The following PARN variants were observed in gnomAD, a reference collection of about 807,000 sequenced individuals.
The protein encoded by PARN is poly(A)-specific ribonuclease.
Under a neutral mutation model 102.8 loss-of-function variants are expected in PARN, and 71 were observed. The observed-to-expected ratio is 0.69, with a 90% confidence interval of 0.57 to 0.84. The LOEUF is 0.84. Ranked by LOEUF, PARN falls within the 40% of genes least tolerant of loss-of-function variation. PARN has a pLI of 0.00. For synonymous variants in PARN, 261 were observed against 252.9 expected, an observed-to-expected ratio of 1.03 and a Z score of -0.30; for missense variants, 782 against 760.9, an observed-to-expected ratio of 1.03 and a Z score of -0.33.
intron 22 of PARN, among the ~76,000 whole-genome samples, chr16:14,475,052 G>A (rs1251671732): frequency 6.6e-6 from 1 of 152,098 alleles, no homozygotes; most frequent in East Asian, 1.9e-4. Context: ...GCAGGAATTC[G>A]GAGAGCTACT....
chr16:14,496,787 T>C (rs1400862733), intron 21 of PARN, among the ~76,000 whole-genome samples: 1 of 152,216 alleles, frequency 6.6e-6, no homozygotes, highest in Non-Finnish European at 1.5e-5. Context: ...CAGATACCAA[T>C]CATGGTTTAT....
intron 21 of PARN, among the ~76,000 whole-genome samples, chr16:14,551,662 G>C (rs183970176): frequency 6.6e-6 from 1 of 152,122 alleles, no homozygotes; most frequent in African/African-American, 2.4e-5. Context: ...CAACAAATGG[G>C]GGGAAAGTAC....
intron 22 of PARN, among the ~76,000 whole-genome samples, chr16:14,473,622 G>A (rs1962874653): frequency 6.6e-6 from 1 of 152,206 alleles, no homozygotes; most frequent in African/African-American, 2.4e-5. Flanking sequence ...AGTTAGAGCA[G>A]AACGGAGGTG....
chr16:14,540,976 C>G (rs1966822816), intron 21 of PARN, among the ~76,000 whole-genome samples: 4 of 151,808 alleles, frequency 2.6e-5, no homozygotes, highest in Admixed American at 2.6e-4. Flanking sequence ...AAAATAGATG[C>G]CATAAGGGTT....
intron 21 of PARN, among the ~76,000 whole-genome samples, chr16:14,532,713 G>C (rs1183631213): frequency 6.6e-6 from 1 of 151,898 alleles, no homozygotes; most frequent in South Asian, 2.1e-4. Context: ...CGACCGGGCA[G>C]AGGCGCCCCT....
chr16:14,596,771 G>C (rs1357301911), intron 12 of PARN, among the ~76,000 whole-genome samples: 1 of 151,128 alleles, frequency 6.6e-6, no homozygotes, highest in African/African-American at 2.4e-5. Context: ...CAGGGGAAAA[G>C]GACATTTTTT....
intron 22 of PARN, among the ~76,000 whole-genome samples, chr16:14,450,000 C>A (rs1029082942): frequency 6.6e-6 from 1 of 152,184 alleles, no homozygotes; most frequent in African/African-American, 2.4e-5. Context: ...CAAAAATATG[C>A]ATGTACAAGT....
chr16:14,515,359 T>A (rs1415807551), intron 21 of PARN, among the ~76,000 whole-genome samples: 1 of 152,186 alleles, frequency 6.6e-6, no homozygotes, highest in Non-Finnish European at 1.5e-5. Context: ...TTTGTTGCAG[T>A]TTTACTGGTT....
intron 7 of PARN, among the ~76,000 whole-genome samples, chr16:14,610,129 CCAAGTA>C (rs1971438121): frequency 6.6e-6 from 1 of 152,142 alleles, no homozygotes; most frequent in African/African-American, 2.4e-5. Context: ...TGTAGCAAGT[CCAAGTA>C]CAATACATGG....
At chr16:14,582,644 T>G (rs906903331) in intron 16 of PARN, among the ~76,000 whole-genome samples, 2 of 151,732 alleles carry the variant, frequency 1.3e-5, no homozygotes, top group African/African-American at 4.8e-5. Context: ...TATTCTTCCC[T>G]TATACAAGAT....
chr16:14,579,202 G>A (rs933945708), intron 18 of PARN, among the ~76,000 whole-genome samples: 1 of 152,126 alleles, frequency 6.6e-6, no homozygotes, highest in African/African-American at 2.4e-5. Flanking sequence ...TCCTGACCTC[G>A]AGTGATCTGC....
intron 18 of PARN, among the ~76,000 whole-genome samples, chr16:14,557,508 G>A (rs1177563343): frequency 2.2e-5 from 3 of 136,942 alleles, no homozygotes; most frequent in Admixed American, 8.2e-5. Context: ...AGTGAACCGA[G>A]ATAGCAACAC....
chr16:14,529,674 A>G (rs1327915863), intron 21 of PARN, among the ~76,000 whole-genome samples: 1 of 152,170 alleles, frequency 6.6e-6, no homozygotes, highest in East Asian at 1.9e-4. Flanking sequence ...AGTATCAGAC[A>G]CTGGCCCAAC....
At chr16:14,454,374 C>T (rs898826415) in intron 22 of PARN, among the ~76,000 whole-genome samples, 1 of 152,178 alleles carries the variant, frequency 6.6e-6, no homozygotes, top group African/African-American at 2.4e-5. Context: ...TTCACAGTTT[C>T]TTAATAGTAT....
chr16:14,457,756 C>T (rs1961743135), intron 22 of PARN, among the ~76,000 whole-genome samples: 1 of 135,672 alleles, frequency 7.4e-6, no homozygotes, highest in African/African-American at 2.8e-5. Context: ...CAATATCGCA[C>T]CATTGTACTC....
At chr16:14,538,013 T>C (rs1043561846) in intron 21 of PARN, among the ~76,000 whole-genome samples, 1 of 152,208 alleles carries the variant, frequency 6.6e-6, no homozygotes, top group African/African-American at 2.4e-5. Context: ...GATCATTACA[T>C]ACTGTATACA....
intron 5 of PARN, among the ~76,000 whole-genome samples, chr16:14,620,355 C>T (rs1016883545): frequency 2.0e-5 from 3 of 151,832 alleles, no homozygotes; most frequent in South Asian, 2.1e-4. Flanking sequence ...CCAGCCTGGG[C>T]GACAGAGCGA....
chr16:14,552,065 G>A lies in PARN; in HGVS notation c.1436C>T (p.Thr479Ile). The A allele has an allele frequency of 6.2e-7, 1 of 1,611,998 alleles. No individual in the cohort carries two copies. The highest frequency in any genetic ancestry group is 1.1e-5 in the South Asian group (1 of 90,906). ...CTGGCTAAGGGAAACAAATGCTGATGTGTCATCAATCCAGGATATCTGAAT... is the reference window on the plus strand; with the variant it reads ...CTGGCTAAGGGAAACAAATGCTGATATGTCATCAATCCAGGATATCTGAAT... ...GNIQISWIDD[T>I]SAFVSLSQPE... Residue 479 changes from threonine (T) to isoleucine (I), a missense_variant, in exon 21 of 24, where the codon ACA becomes ATA. Thr to Ile is a moderately conservative substitution (Grantham distance 89). Transcript: ENST00000437198.
intron 18 of PARN, among the ~76,000 whole-genome samples, chr16:14,560,880 G>T (rs188368457): frequency 5.3e-5 from 8 of 152,372 alleles, no homozygotes; most frequent in African/African-American, 1.9e-4. Flanking sequence ...TATAGGCCGG[G>T]CGCGGTGGCT....
Sources: gnomAD v4.1 joint callset for allele counts (sites outside exome capture counted in the v4.1 genomes callset) on GRCh38, gnomAD v4.1.1 for gene constraint, MANE v1.5 for transcripts, NCBI Gene and HGNC (gene_info 2026-07-23, HGNC 2026-07-21) for gene names.